Variants in CERT1 observed in about 807,000 individuals in gnomAD.
CERT1 encodes ceramide transporter 1, also known as ceramide transfer protein.
In CERT1, 31 loss-of-function variants were observed where a neutral mutation model predicts 87.9. That is an observed-to-expected ratio of 0.35 (90% CI 0.27 to 0.48). The LOEUF (loss-of-function observed/expected upper bound fraction) is 0.48. Ranked by LOEUF, CERT1 falls within the 20% of genes least tolerant of loss-of-function variation. CERT1 has a pLI of 0.99. For missense variants in CERT1, 487 were observed against 758.0 expected (o/e 0.64, Z 4.20); for synonymous variants, 289 against 250.9 (o/e 1.15, Z -1.44).
At chr5:75,369,524 A>C (rs943487298) in intron 17 of CERT1, 2 of 152,206 alleles carry the variant, frequency 1.3e-5, no homozygotes, top group East Asian at 1.9e-4. Context: ...AAAAAAAAAA[A>C]CTTAAGAGTC....
chr5:75,478,909 T>TA (rs11438163), intron 2 of CERT1, among the ~76,000 whole-genome samples: 2,147 of 21,750 alleles, frequency 0.099, 554 homozygotes, highest in Non-Finnish European at 0.11. Context: ...AAGTAAGTAC[T>TA]AAAAAAAAAA....
chr5:75,473,950 GA>G (rs1405948208), intron 2 of CERT1, among the ~76,000 whole-genome samples: 1 of 152,150 alleles, frequency 6.6e-6, no homozygotes, highest in Non-Finnish European at 1.5e-5. Context: ...GGAAGAGAAA[GA>G]CCCTCTCATA....
chr5:75,401,468 A>C (rs889170436), intron 9 of CERT1: 6 of 152,212 alleles, frequency 3.9e-5, no homozygotes, highest in Admixed American at 3.3e-4. Context: ...ACTAAGAGTA[A>C]GACTGAGGTG....
chr5:75,394,013 G>T (rs1305904660), intron 11 of CERT1, among the ~76,000 whole-genome samples: 2 of 152,098 alleles, frequency 1.3e-5, no homozygotes, highest in South Asian at 2.1e-4. Flanking sequence ...AAACCATAGA[G>T]GGGGCTTGTT....
chr5:75,470,718 C>T (rs1033871740), intron 2 of CERT1, among the ~76,000 whole-genome samples: 1 of 152,188 alleles, frequency 6.6e-6, no homozygotes, highest in Non-Finnish European at 1.5e-5. Flanking sequence ...AATACCGACT[C>T]TTGCAACTTC....
At chr5:75,475,438 C>G (rs1765913846) in intron 2 of CERT1, among the ~76,000 whole-genome samples, 1 of 152,084 alleles carries the variant, frequency 6.6e-6, no homozygotes, top group African/African-American at 2.4e-5. Flanking sequence ...CTTCCCAAAT[C>G]TTAACTTTAA....
chr5:75,436,767 G>A (rs1764114834), intron 3 of CERT1, among the ~76,000 whole-genome samples: 1 of 151,942 alleles, frequency 6.6e-6, no homozygotes, highest in Non-Finnish European at 1.5e-5. Context: ...TCAACAGTTT[G>A]AATATATATG....
At chr5:75,411,472 C>T (rs1762933234) in intron 7 of CERT1, among the ~76,000 whole-genome samples, 1 of 152,124 alleles carries the variant, frequency 6.6e-6, no homozygotes, top group African/African-American at 2.4e-5. Context: ...TGCCATCACA[C>T]CCAGCTAATT....
At chr5:75,421,533 A>T (rs929383721) in intron 5 of CERT1, among the ~76,000 whole-genome samples, 8 of 152,182 alleles carry the variant, frequency 5.3e-5, no homozygotes, top group African/African-American at 1.9e-4. Flanking sequence ...CAATATGAGC[A>T]TATCTTGATT....
chr5:75,400,854 GC>G (rs1762443102), intron 9 of CERT1: 1 of 151,254 alleles, frequency 6.6e-6, no homozygotes, highest in African/African-American at 2.4e-5. Flanking sequence ...TCTTTAGTTT[GC>G]CTCAGTTGTT....
chr5:75,381,125 T>C lies in CERT1; in HGVS notation c.1694A>G (p.Asn565Ser). The C allele has an allele frequency of 6.2e-7, 1 of 1,614,140 alleles. No individual in the cohort carries two copies. Among genetic ancestry groups the C allele is most frequent in the Non-Finnish European group, 8.5e-7 (1 of 1,179,994 alleles). Reference sequence around the variant, plus strand: ...AATGTTGTCCCTGCTAATTTCCTGGTTTCCCTCTGGTGGGCTTACCAAGGT... The same window carrying C: ...AATGTTGTCCCTGCTAATTTCCTGGCTTCCCTCTGGTGGGCTTACCAAGGT... Reference protein sequence around the residue: ...CQTLVSPPEGNQEISRDNILC... With the variant: ...CQTLVSPPEGSQEISRDNILC... The change falls in exon 16 of 17, where the codon AAC becomes AGC. Residue 565 changes from asparagine to serine, a missense_variant. This residue lies in a region of CERT1 where 147 missense variants were observed against 200.8 expected (regional missense o/e 0.73). Coordinates refer to ENST00000643780, the MANE Select transcript of CERT1 (RefSeq NM_001379029.1).
intron 11 of CERT1, among the ~76,000 whole-genome samples, chr5:75,398,058 G>A (rs997509238): frequency 6.6e-6 from 1 of 151,912 alleles, no homozygotes; most frequent in African/African-American, 2.4e-5. Flanking sequence ...TGCATAAATG[G>A]ACAAGCAAAA....
In CERT1 at chr5:75,425,612, G is replaced by A. The variant is rs1763583075; in HGVS notation, c.457-113C>T. On this transcript the variant is annotated intron_variant, in intron 4 of 16. Coordinates refer to ENST00000643780, the MANE Select transcript of CERT1 (RefSeq NM_001379029.1). ...TCTGCACCTTATAACTGAGGGCATG[G>A]GATAAGGAGAGCTGTCTAGTTCAAT... 4.2e-6 allele frequency: 4 copies of A among 946,814 alleles called. No homozygotes were observed. In the East Asian group the frequency reaches 1.0e-4, roughly 24 times the overall value. The allele number at this position is 946,814 out of a possible 1,614,324, so 58.7% of individuals were successfully genotyped here.
chr5:75,420,347 G>GT (rs11310251), intron 5 of CERT1, among the ~76,000 whole-genome samples: 2,700 of 138,420 alleles, frequency 0.02, 62 homozygotes, highest in African/African-American at 0.059. Context: ...GATATCGACT[G>GT]TTTTTTTTTT....
intron 5 of CERT1, among the ~76,000 whole-genome samples, chr5:75,420,744 C>G (rs541300960): frequency 1.3e-5 from 2 of 152,156 alleles, no homozygotes; most frequent in Non-Finnish European, 2.9e-5. Flanking sequence ...CTCTGTACTA[C>G]GCATTCCACT....
At chr5:75,453,087 A>C (rs1764827738) in intron 3 of CERT1, among the ~76,000 whole-genome samples, 1 of 152,194 alleles carries the variant, frequency 6.6e-6, no homozygotes, top group Admixed American at 6.5e-5. Flanking sequence ...TACATTGAGA[A>C]TATTTAAATC....
At chr5:75,437,450 T>C (rs1347202204) in intron 3 of CERT1, among the ~76,000 whole-genome samples, 6 of 152,134 alleles carry the variant, frequency 3.9e-5, no homozygotes, top group Non-Finnish European at 7.4e-5. Context: ...TTTCATTATA[T>C]ACTGTATAAA....
intron 11 of CERT1, among the ~76,000 whole-genome samples, chr5:75,398,921 G>T (rs76604521): frequency 9.8e-5 from 15 of 152,296 alleles, no homozygotes; most frequent in Non-Finnish European, 2.2e-4. Context: ...AGATACTTTA[G>T]CTTAAAAGTG....
intron 11 of CERT1, among the ~76,000 whole-genome samples, chr5:75,396,200 C>G (rs1000749031): frequency 5.9e-5 from 9 of 152,026 alleles, no homozygotes; most frequent in Admixed American, 1.3e-4. Context: ...TGTATGGGAG[C>G]TGATATAAAT....
Sources: allele counts gnomAD v4.1 joint callset (sites outside exome capture counted in the v4.1 genomes callset), GRCh38; gene constraint gnomAD v4.1.1; regional missense constraint gnomAD v4.1.1; transcripts MANE v1.5; gene names NCBI Gene and HGNC (gene_info 2026-07-23, HGNC 2026-07-21).